TANGO2: variants seen among roughly 807,000 people sequenced by gnomAD.
The protein encoded by TANGO2 is transport and Golgi organization protein 2 homolog.
A neutral mutation model predicts 39.1 loss-of-function variants in TANGO2; 26 were observed. That is an observed-to-expected ratio of 0.67 (90% CI 0.49 to 0.92). The LOEUF (loss-of-function observed/expected upper bound fraction) is 0.92, where lower values mean the gene tolerates loss of function less well. TANGO2 is among the 40% of genes least tolerant of loss of function. The probability of loss-of-function intolerance (pLI) is 0.00; values close to 1 mark genes in which losing one functional copy is unlikely to be tolerated. For missense variants in TANGO2, 326 were observed against 360.1 expected (o/e 0.91, Z 0.77); for synonymous variants, 131 against 144.5 (o/e 0.91, Z 0.67).
At chr22:20,053,698 C>T (rs537652679) in intron 5 of TANGO2, 147 bp downstream of exon 5, 73 of 679,648 alleles carry the variant, frequency 1.1e-4, no homozygotes, top group African/African-American at 9.7e-4. Context: ...ATTCTGAGGA[C>T]TGAGCCTGTC....
upstream of TANGO2, among the ~76,000 whole-genome samples, chr22:20,018,227 C>T (rs1304772190): frequency 6.6e-6 from 1 of 152,242 alleles, no homozygotes; most frequent in Non-Finnish European, 1.5e-5. Context: ...TTGGAGCTGG[C>T]ACTTGACGTG....
intron 7 of TANGO2, among the ~76,000 whole-genome samples, chr22:20,062,370 C>A (rs1313617468): frequency 6.6e-6 from 1 of 152,176 alleles, no homozygotes; most frequent in Non-Finnish European, 1.5e-5. Flanking sequence ...GGTGATCCAG[C>A]GTCCACTCCC....
At chr22:20,049,931 G>A (rs547801713) in intron 3 of TANGO2, among the ~76,000 whole-genome samples, 9 of 152,254 alleles carry the variant, frequency 5.9e-5, no homozygotes, top group African/African-American at 1.7e-4. Context: ...TGTTGAGGCT[G>A]GGCACGGTGG....
rs560054751 is a variant in TANGO2, at chr22:20,056,126, T to C, written c.451+113T>C. On this transcript the variant is annotated intron_variant, in intron 6 of 8. Coordinates refer to ENST00000327374, the MANE Select transcript of TANGO2 (RefSeq NM_152906.7). ...ATATTACTCTTCTGAGATGACTTTG[T>C]GGCCATTTAAGTGCCTTATGGTCTG... The C allele has an allele frequency of 8.3e-4, 764 of 925,284 alleles. 12 individuals carry two copies. The South Asian group carries it at 0.01, about 12-fold the overall frequency. 57.3% of individuals were successfully genotyped at this position (925,284 alleles called of 1,614,324 possible).
chr22:20,053,407 G>A (rs2046765347), intron 4 of TANGO2, 30 bp from the exon 5 acceptor site: 1 of 1,489,478 alleles, frequency 6.7e-7, no homozygotes, highest in Non-Finnish European at 9.4e-7. Flanking sequence ...GCCTGCAGCT[G>A]TGGACACAGC....
chr22:20,063,650 C>G (rs2048791348), intron 8 of TANGO2: 2 of 525,732 alleles, frequency 3.8e-6, no homozygotes, highest in East Asian at 6.3e-5. Context: ...CTTAAGGAGC[C>G]AGTACACAGC....
Position 20,064,914 on chromosome 22 carries a change from T to C in TANGO2, c.*252T>C, listed in dbSNP as rs1194970364. The C allele has an allele frequency of 2.8e-5, 14 of 493,350 alleles. No homozygotes were observed. In the East Asian group the frequency reaches 4.7e-4, roughly 17 times the overall value. The allele number at this position is 493,350 out of a possible 1,614,324, so 30.6% of individuals were successfully genotyped here. On this transcript the variant is annotated 3_prime_UTR_variant, in exon 9 of 9. Coordinates refer to ENST00000327374, the MANE Select transcript of TANGO2 (RefSeq NM_152906.7). Reference sequence around the variant, plus strand: ...GACCGGCCGAGGTATACCATGAACATGTGGATACACCTGAGCCCACTCTTG... The same window carrying C: ...GACCGGCCGAGGTATACCATGAACACGTGGATACACCTGAGCCCACTCTTG...
rs373072851 is a variant in TANGO2, at chr22:20,058,710, A to G, written c.451+2697A>G. Among the ~76,000 whole-genome samples, 7 of 152,018 alleles carry G rather than the reference A, an allele frequency of 4.6e-5. No individual in the cohort carries two copies. The East Asian group carries it at 9.7e-4, about 21-fold the overall frequency. On this transcript the variant is annotated intron_variant, in intron 6 of 8. Transcript: ENST00000327374. ...GATAGAAAGGAGAGTTTTATTTGCC[A>G]TATCAGTTTGCAGACCCGGAAGAGA...
rs367725890 is a variant in TANGO2 at position 20,057,565 on chromosome 22, T to C, written c.451+1552T>C. Among the ~76,000 whole-genome samples, 1 of 152,186 alleles carries C rather than the reference T, an allele frequency of 6.6e-6. No individual in the cohort carries two copies. The highest frequency in any genetic ancestry group is 1.5e-5 in the Non-Finnish European group (1 of 68,034). ...GCAGCCCACCTGAGCTCCCAAGAGC[T>C]GGGCAGTGGCACAGACACAGAGACT... On this transcript the variant is annotated intron_variant, in intron 6 of 8. Transcript: ENST00000327374. The surrounding 1 kb of genome is among the most constrained non-coding windows in gnomAD (Gnocchi z 4.1).
intron 2 of TANGO2, among the ~76,000 whole-genome samples, chr22:20,038,251 A>G (rs930972470): frequency 7.9e-5 from 12 of 152,194 alleles, no homozygotes; most frequent in African/African-American, 2.6e-4. Context: ...TGACGCCTTG[A>G]TCTTGGATCT....
In TANGO2 at chr22:20,024,596, G is replaced by A. The variant is rs192767439; in HGVS notation, c.-40+3350G>A. On this transcript the variant is annotated intron_variant, in intron 1 of 8. Transcript: ENST00000327374. ...GTGGCCATTGAGGCCATTAAATGGG[G>A]GCAGCAGACTGTAGGGCTTAGTCAC... Among the ~76,000 whole-genome samples, 391 of 152,296 alleles carry A rather than the reference G, an allele frequency of 2.6e-3. 2 individuals carry two copies. Among genetic ancestry groups the A allele is most frequent in the African/African-American group, 9.1e-3 (379 of 41,570 alleles).
chr22:20,041,681 C>G (rs547160058), intron 2 of TANGO2, among the ~76,000 whole-genome samples: 1 of 152,100 alleles, frequency 6.6e-6, no homozygotes, highest in Non-Finnish European at 1.5e-5. Flanking sequence ...CTCCTGACCT[C>G]ATGATCCACC....
At chr22:20,027,635 T>A (rs1173938106) in intron 1 of TANGO2, among the ~76,000 whole-genome samples, 4 of 151,480 alleles carry the variant, frequency 2.6e-5, no homozygotes, top group Non-Finnish European at 5.9e-5. Flanking sequence ...AGACTCAGAG[T>A]CTTGCCTTGT....
chr22:20,041,514 G>A (rs1446609344), intron 2 of TANGO2, among the ~76,000 whole-genome samples: 3 of 152,020 alleles, frequency 2.0e-5, no homozygotes, highest in African/African-American at 7.2e-5. Flanking sequence ...GGGTTTTACC[G>A]TGTTAGCCAG....
Position 20,055,971 on chromosome 22 carries a change from T to C in TANGO2, c.409T>C (p.Tyr137His), listed in dbSNP as rs2047252668. The change falls in exon 6 of 9, where the codon TAT (tyrosine) becomes CAT (histidine). Residue 137 changes from tyrosine (Y) to histidine (H), a missense_variant. Coordinates refer to ENST00000327374, the MANE Select transcript of TANGO2 (RefSeq NM_152906.7). ...STAKGDVICY[Y>H]GNRGEPDPIV... is the part of the protein sequence containing the mutation. ...AGCAAAGGGAGACGTCATTTGCTAC[T>C]ATGGGAACCGAGGGGAGCCTGATCC... The C allele has an allele frequency of 1.2e-6, 2 of 1,613,996 alleles. No individual in the cohort carries two copies. Among genetic ancestry groups the C allele is most frequent in the African/African-American group, 2.7e-5 (2 of 74,926 alleles).
intron 2 of TANGO2, among the ~76,000 whole-genome samples, chr22:20,039,339 C>T (rs1328166691): frequency 1.3e-5 from 2 of 151,752 alleles, no homozygotes; most frequent in East Asian, 3.9e-4. Context: ...TCAAAACTGC[C>T]TGTTTACAGC....
At chr22:20,033,358 G>A in intron 1 of TANGO2, 1 of 391,550 alleles carries the variant, frequency 2.6e-6, no homozygotes. Context: ...GGGCTGGTCT[G>A]CTGCCCCTGC....
At chr22:20,050,922 G>C (rs2046224170) in intron 3 of TANGO2, among the ~76,000 whole-genome samples, 1 of 150,000 alleles carries the variant, frequency 6.7e-6, no homozygotes, top group Non-Finnish European at 1.5e-5. Flanking sequence ...CCACCTCCCG[G>C]GTTCAAGCAA....
chr22:20,060,368 A>AG (rs695655), intron 6 of TANGO2, among the ~76,000 whole-genome samples: 2 of 148,866 alleles, frequency 1.3e-5, no homozygotes, highest in African/African-American at 2.4e-5. Flanking sequence ...AAAAAAAAAA[A>AG]GAGATCCTCC....
Sources: allele counts gnomAD v4.1 joint callset (sites outside exome capture counted in the v4.1 genomes callset), GRCh38; gene constraint gnomAD v4.1.1; non-coding constraint Gnocchi (gnomAD v3.1); transcripts MANE v1.5; gene names NCBI Gene and HGNC (gene_info 2026-07-23, HGNC 2026-07-21).